The following FBXL7 variants were observed in gnomAD, a reference collection of about 807,000 sequenced individuals.
The protein encoded by FBXL7 is F-box/LRR-repeat protein 7.
Under a neutral mutation model 38.3 loss-of-function variants are expected in FBXL7, and 12 were observed. The observed-to-expected ratio is 0.31, with a 90% CI of 0.20 to 0.51. FBXL7 has a LOEUF of 0.51. FBXL7 is among the 20% of genes least tolerant of loss of function. The probability of loss-of-function intolerance (pLI) is 0.98; values close to 1 mark genes in which losing one functional copy is unlikely to be tolerated. For missense variants in FBXL7, 567 were observed against 676.4 expected (o/e 0.84, Z 1.79); for synonymous variants, 297 against 300.9 (o/e 0.99, Z 0.13).
intron 2 of FBXL7, among the ~76,000 whole-genome samples, chr5:15,857,373 C>A (rs2126801807): frequency 6.6e-6 from 1 of 152,288 alleles, no homozygotes; most frequent in Non-Finnish European, 1.5e-5. Flanking sequence ...TTACTATCCC[C>A]AGATTGCAGA....
At chr5:15,785,279 T>A (rs528218439) in intron 2 of FBXL7, among the ~76,000 whole-genome samples, 1 of 152,176 alleles carries the variant, frequency 6.6e-6, no homozygotes, top group Non-Finnish European at 1.5e-5. Flanking sequence ...CTGCAGCAGG[T>A]CTTCAGAAGA....
intron 2 of FBXL7, among the ~76,000 whole-genome samples, chr5:15,643,374 T>C (rs1231294957): frequency 6.6e-6 from 1 of 152,194 alleles, no homozygotes; most frequent in Admixed American, 6.5e-5. Context: ...GTACCATACT[T>C]GGATTTGTAG....
At chr5:15,829,965 C>T (rs1269645774) in intron 2 of FBXL7, among the ~76,000 whole-genome samples, 1 of 152,120 alleles carries the variant, frequency 6.6e-6, no homozygotes. Flanking sequence ...TCATTTACAT[C>T]TTGAGACGTA....
intron 2 of FBXL7, among the ~76,000 whole-genome samples, chr5:15,878,577 G>A (rs1043828484): frequency 6.6e-6 from 1 of 152,162 alleles, no homozygotes; most frequent in Non-Finnish European, 1.5e-5. Flanking sequence ...TCCTTGAGGA[G>A]TTCTCTAATG....
At chr5:15,807,068 C>T (rs1402553685) in intron 2 of FBXL7, among the ~76,000 whole-genome samples, 1 of 152,108 alleles carries the variant, frequency 6.6e-6, no homozygotes, top group Non-Finnish European at 1.5e-5. Context: ...TCTCTTGCCT[C>T]AGCCTCCCAA....
intron 2 of FBXL7, among the ~76,000 whole-genome samples, chr5:15,700,823 T>A (rs1743497083): frequency 6.6e-6 from 1 of 152,234 alleles, no homozygotes; most frequent in African/African-American, 2.4e-5. Context: ...TTCTACAGTA[T>A]CATTGTTACT....
At chr5:15,772,883 T>C (rs545061232) in intron 2 of FBXL7, among the ~76,000 whole-genome samples, 3 of 150,528 alleles carry the variant, frequency 2.0e-5, no homozygotes, top group South Asian at 4.3e-4. Flanking sequence ...CTCAGAGCTA[T>C]GAAAATTGTG....
At chr5:15,553,301 G>A (rs780874042) in intron 1 of FBXL7, among the ~76,000 whole-genome samples, 11 of 152,106 alleles carry the variant, frequency 7.2e-5, no homozygotes, top group African/African-American at 2.2e-4. Context: ...GCTCTTTGTC[G>A]AGAATGCTTT....
intron 2 of FBXL7, among the ~76,000 whole-genome samples, chr5:15,785,652 T>C (rs769959122): frequency 6.6e-6 from 1 of 152,126 alleles, no homozygotes; most frequent in Non-Finnish European, 1.5e-5. Context: ...GTCACATGTG[T>C]GATGTAAATA....
At chr5:15,579,243 G>C (rs1294510052) in intron 1 of FBXL7, among the ~76,000 whole-genome samples, 1 of 152,118 alleles carries the variant, frequency 6.6e-6, no homozygotes, top group Non-Finnish European at 1.5e-5. Context: ...CCACATTTAA[G>C]ACTTACTCCC....
At chr5:15,594,774 G>A (rs1299063104) in intron 1 of FBXL7, among the ~76,000 whole-genome samples, 1 of 152,172 alleles carries the variant, frequency 6.6e-6, no homozygotes, top group African/African-American at 2.4e-5. Flanking sequence ...AGCTATTGCT[G>A]ACAACAATAT....
chr5:15,641,466 A>G (rs1475000542), intron 2 of FBXL7, among the ~76,000 whole-genome samples: 1 of 152,068 alleles, frequency 6.6e-6, no homozygotes. Context: ...AGGAATGGGG[A>G]AGATGGAAGT....
At chr5:15,829,579 C>T (rs916496357) in intron 2 of FBXL7, among the ~76,000 whole-genome samples, 11 of 152,046 alleles carry the variant, frequency 7.2e-5, no homozygotes, top group Non-Finnish European at 1.5e-5. Context: ...GTTGGGAGTT[C>T]CAAGTAACAT....
At chr5:15,792,885 T>G (rs1462751370) in intron 2 of FBXL7, among the ~76,000 whole-genome samples, 2 of 152,134 alleles carry the variant, frequency 1.3e-5, no homozygotes, top group African/African-American at 4.8e-5. Flanking sequence ...AACCCTATAG[T>G]CCATCTTCTG....
chr5:15,630,795 T>A (rs928127575), intron 2 of FBXL7, among the ~76,000 whole-genome samples: 3 of 151,952 alleles, frequency 2.0e-5, no homozygotes, highest in African/African-American at 7.3e-5. Context: ...AAGTAGGAGG[T>A]TGAATTCATC....
rs1008652695 is a variant in FBXL7 at position 15,892,933 on chromosome 5, G to T, written c.128-34957G>T. On this transcript the variant is annotated intron_variant, in intron 2 of 3. Coordinates refer to ENST00000504595, the MANE Select transcript of FBXL7 (RefSeq NM_012304.5). ...GAGATCGAGACCATCCTGGCTAACAGGGTGAAACCCCGTCTCTACTAAAAA... is the reference window on the plus strand; with the variant it reads ...GAGATCGAGACCATCCTGGCTAACATGGTGAAACCCCGTCTCTACTAAAAA... Among the ~76,000 whole-genome samples, 9 of 152,038 alleles carry T rather than the reference G, an allele frequency of 5.9e-5. No homozygotes were observed. The East Asian group carries it at 7.8e-4, about 13-fold the overall frequency.
rs567903224 is a variant in FBXL7, at chr5:15,545,525, TCTTTA to T, written c.37+44816_37+44820del. ...TTTTCTTCAATTGAATGTCACTGTGTCTTTACTTCTTACAGTTTTTAATGATTTCA... is the reference window on the plus strand; with the variant it reads ...TTTTCTTCAATTGAATGTCACTGTGTCTTCTTACAGTTTTTAATGATTTCA... On this transcript the variant is annotated intron_variant, in intron 1 of 3. Transcript: ENST00000504595. 3.9e-5 allele frequency among the ~76,000 whole-genome samples: 6 copies of T among 152,330 alleles called. No individual in the cohort carries two copies. The South Asian group carries it at 1.2e-3, about 32-fold the overall frequency.
chr5:15,618,945 A>G (rs1740536299), intron 2 of FBXL7, among the ~76,000 whole-genome samples: 1 of 152,216 alleles, frequency 6.6e-6, no homozygotes, highest in South Asian at 2.1e-4. Flanking sequence ...AAAGGAAAGA[A>G]AGAAGGTGCG....
intron 2 of FBXL7, among the ~76,000 whole-genome samples, chr5:15,850,462 G>T (rs889938795): frequency 7.9e-5 from 12 of 152,154 alleles, no homozygotes; most frequent in African/African-American, 2.9e-4. Context: ...ATCAGCCCTG[G>T]GTCTTTGTGG....
Sources: allele counts gnomAD v4.1 joint callset (sites outside exome capture counted in the v4.1 genomes callset), GRCh38; gene constraint gnomAD v4.1.1; transcripts MANE v1.5; gene names NCBI Gene and HGNC (gene_info 2026-07-23, HGNC 2026-07-21).